Variants in CR1 observed in about 807,000 individuals in gnomAD.
CR1 encodes the protein complement receptor type 1.
CR1 carries 116 observed loss-of-function variants against 187.3 expected under a neutral mutation model. The ratio of observed to expected loss-of-function variants is 0.62; its 90% CI spans 0.53 to 0.72. CR1 has a LOEUF of 0.72. Among genes scored for constraint, CR1 ranks in the 30% least tolerant of loss-of-function variants. CR1 has a pLI of 0.00. For missense variants in CR1, 1,731 were observed against 2,110.7 expected (o/e 0.82, Z 3.52); for synonymous variants, 576 against 747.1 (o/e 0.77, Z 3.73).
chr1:207,596,483 G>A (rs997251957), intron 35 of CR1, among the ~76,000 whole-genome samples: 8 of 151,744 alleles, frequency 5.3e-5, no homozygotes, highest in African/African-American at 7.3e-5. Context: ...GTGTGGTGGC[G>A]CATGCCTGTA....
At chr1:207,591,481 T>A (rs56122787) in intron 35 of CR1, among the ~76,000 whole-genome samples, 5,129 of 149,508 alleles carry the variant, frequency 0.034, 278 homozygotes, top group African/African-American at 0.12. Flanking sequence ...TAGCACTAAA[T>A]GCCCACAGGA....
chr1:207,597,807 G>A (rs1197155800), intron 35 of CR1, among the ~76,000 whole-genome samples: 1 of 152,158 alleles, frequency 6.6e-6, no homozygotes, highest in African/African-American at 2.4e-5. Context: ...AATGTCCGTA[G>A]CAGCTTTGTT....
chr1:207,628,948 A>C (rs1662566280), intron 45 of CR1, among the ~76,000 whole-genome samples: 1 of 152,204 alleles, frequency 6.6e-6, no homozygotes, highest in African/African-American at 2.4e-5. Flanking sequence ...CGTTTCACAC[A>C]GACTTGGCAA....
rs759742841 is a variant in CR1, at chr1:207,587,366, C to T, written c.5531-20C>T. On this transcript the variant is annotated intron_variant, in intron 33 of 46. Transcript: ENST00000367049. The stretch of plus-strand genomic sequence containing the variant: ...AAGTCTCTCTGCTAACTTTGATATT[C>T]CTGTGGTTTTTCTCTCCAGGTCACT... 2.5e-6 allele frequency: 4 copies of T among 1,595,678 alleles called. No homozygotes were observed. The highest frequency in any genetic ancestry group is 3.5e-5 in the Admixed American group (2 of 57,836).
At position 207,584,653 on chromosome 1, in the gene CR1, C is replaced by A; in HGVS notation, c.5307C>A (p.Ile1769=). The A allele has an allele frequency of 1.2e-6, 2 of 1,613,244 alleles. No individual in the cohort carries two copies. The highest frequency in any genetic ancestry group is 1.3e-5 in the African/African-American group (1 of 74,996). The part of the protein sequence containing the change: ...WNNSVPVCEH[I]FCPNPPAILN... ...GAGCTCTTGTTTTCTTTCTAGATATCTTTTGTCCAAATCCTCCAGCTATCC... is the reference window on the plus strand; with the variant it reads ...GAGCTCTTGTTTTCTTTCTAGATATATTTTGTCCAAATCCTCCAGCTATCC... Residue 1769 remains isoleucine, a synonymous_variant, in exon 33 of 47, where the codon ATC becomes ATA. Transcript: ENST00000367049.
chr1:207,511,427 T>C, intron 3 of CR1, 142 bp from the exon 4 acceptor site: 1 of 630,208 alleles, frequency 1.6e-6, no homozygotes, highest in Non-Finnish European at 2.5e-6. Context: ...AATGTGAAAC[T>C]TGGGAAAGTG....
At chr1:207,496,461 C>A in intron 1 of CR1, 73 bp downstream of exon 1, 3 of 1,455,978 alleles carry the variant, frequency 2.1e-6, no homozygotes, top group Non-Finnish European at 2.8e-6. Flanking sequence ...AACTCGCGTG[C>A]AGCGCTGAGC....
At chr1:207,578,253 G>A in intron 29 of CR1, 50 bp downstream of exon 29, 2 of 1,611,742 alleles carry the variant, frequency 1.2e-6, no homozygotes, top group South Asian at 2.2e-5. Flanking sequence ...ATGTGTTGCT[G>A]TTGGATCAGG....
intron 24 of CR1, among the ~76,000 whole-genome samples, chr1:207,567,029 G>C (rs966669937): frequency 6.7e-5 from 10 of 150,074 alleles, no homozygotes; most frequent in Admixed American, 1.3e-4. Flanking sequence ...TCATTAACTG[G>C]ACTACTCAAG....
Position 207,587,368 on chromosome 1 carries a change from T to C in CR1, c.5531-18T>C. On this transcript the variant is annotated intron_variant, in intron 33 of 46. Coordinates refer to ENST00000367049, the MANE Select transcript of CR1 (RefSeq NM_000651.6). ...GTCTCTCTGCTAACTTTGATATTCC[T>C]GTGGTTTTTCTCTCCAGGTCACTGT... 6.3e-7 allele frequency: 1 copy of C among 1,597,798 alleles called. No homozygotes were observed. The highest frequency in any genetic ancestry group is 8.5e-7 in the Non-Finnish European group (1 of 1,171,252).
intron 39 of CR1, among the ~76,000 whole-genome samples, chr1:207,612,938 C>T (rs1435695329): frequency 6.6e-6 from 1 of 152,240 alleles, no homozygotes; most frequent in East Asian, 1.9e-4. Flanking sequence ...TGCAGCCCAA[C>T]AGATGACAGT....
At chr1:207,638,586 C>T (rs1473270912) in intron 46 of CR1, among the ~76,000 whole-genome samples, 1 of 152,228 alleles carries the variant, frequency 6.6e-6, no homozygotes, top group Non-Finnish European at 1.5e-5. Context: ...TGCAGCCTTT[C>T]CTGTTGGATC....
chr1:207,505,178 G>A (rs906152401), intron 1 of CR1, among the ~76,000 whole-genome samples: 1 of 152,134 alleles, frequency 6.6e-6, no homozygotes, highest in Non-Finnish European at 1.5e-5. Context: ...TATTAAGATG[G>A]AATCTTGCTC....
At chr1:207,593,084 CAAAA>C (rs57700679) in intron 35 of CR1, among the ~76,000 whole-genome samples, 2 of 83,120 alleles carry the variant, frequency 2.4e-5, no homozygotes, top group African/African-American at 5.0e-5. Context: ...CACAGAATTA[CAAAA>C]AAAAAAAAAA....
At position 207,575,680 on chromosome 1, in the gene CR1, C is replaced by T. The variant is rs374550920; in HGVS notation, c.4537C>T (p.Arg1513Ter). The change falls in exon 28 of 47, where the codon CGA becomes TGA. Residue 1513 changes from arginine to a stop codon, truncating the protein, a stop_gained and splice_region_variant. Coordinates refer to ENST00000367049, the MANE Select transcript of CR1 (RefSeq NM_000651.6). LOFTEE classifies it high-confidence loss of function. The stretch of plus-strand genomic sequence containing the variant: ...GAGCACGAAGCCGCCAATTTGTCAA[C>T]GTGAGTTGAAATCTCTTTCCCCATT... ...HWSTKPPICQ[R>*]IPCGLPPTIA... The T allele has an allele frequency of 8.7e-6, 14 of 1,611,668 alleles. No homozygotes were observed. Among genetic ancestry groups the T allele is most frequent in the South Asian group, 5.5e-5 (5 of 90,992 alleles).
Position 207,609,532 on chromosome 1 carries a change from G to A in CR1, c.6139G>A (p.Glu2047Lys), listed in dbSNP as rs1661851904. ...STNKCTAPEV[E>K]NAIRVPGNRS... ...TAATAAATGCACAGCTCCAGAAGTT[G>A]AAAATGCAATTAGAGTACCAGGAAA... The change falls in exon 37 of 47, where the codon GAA (glutamate) becomes AAA (lysine). Residue 2047 changes from glutamate (E) to lysine (K), a missense_variant. Physicochemically the swap from Glu to Lys is moderately conservative, Grantham distance 56 (BLOSUM62 1). Transcript: ENST00000367049. 2 of 1,613,974 alleles carry A rather than the reference G, an allele frequency of 1.2e-6. No individual in the cohort carries two copies. Among genetic ancestry groups the A allele is most frequent in the South Asian group, 2.2e-5 (2 of 91,074 alleles).
chr1:207,577,985 G>A lies in CR1; in HGVS notation c.4718G>A (p.Gly1573Asp). The A allele has an allele frequency of 6.2e-7, 1 of 1,611,820 alleles. No individual in the cohort carries two copies. Among genetic ancestry groups the A allele is most frequent in the Non-Finnish European group, 8.5e-7 (1 of 1,179,722 alleles). ...TGCACCAGCAATGACGATCAAGTGGGCATCTGGAGCGGCCCCGCCCCTCAG... is the reference window on the plus strand; with the variant it reads ...TGCACCAGCAATGACGATCAAGTGGACATCTGGAGCGGCCCCGCCCCTCAG... The part of the protein sequence containing the change: ...IYCTSNDDQV[G>D]IWSGPAPQCI... The change falls in exon 29 of 47, where the codon GGC becomes GAC. Residue 1573 changes from glycine to aspartate, a missense_variant. By Grantham distance (94) the Gly-to-Asp change is moderately conservative. This residue lies in a region of CR1 where 1,312 missense variants were observed against 1,379.6 expected (regional missense o/e 0.95). Transcript: ENST00000367049.
intron 23 of CR1, among the ~76,000 whole-genome samples, chr1:207,564,630 G>C (rs1428992351): frequency 6.7e-6 from 1 of 149,948 alleles, no homozygotes; most frequent in Non-Finnish European, 1.5e-5. Flanking sequence ...GTGAAACCCT[G>C]TCTCTACTAA....
intron 45 of CR1, among the ~76,000 whole-genome samples, chr1:207,627,105 A>G (rs1010334460): frequency 1.3e-5 from 2 of 152,126 alleles, no homozygotes; most frequent in Admixed American, 6.6e-5. Context: ...AGAGAAATAG[A>G]AGGAATACAC....
Sources: allele counts gnomAD v4.1 joint callset (sites outside exome capture counted in the v4.1 genomes callset), GRCh38; gene constraint gnomAD v4.1.1; regional missense constraint gnomAD v4.1.1; transcripts MANE v1.5; gene names NCBI Gene and HGNC (gene_info 2026-07-23, HGNC 2026-07-21).